Variants in LRRC7 observed in about 807,000 individuals in gnomAD.
LRRC7 encodes leucine-rich repeat-containing protein 7.
LRRC7 carries 23 observed loss-of-function variants against 175.7 expected under a neutral mutation model. That is an observed-to-expected ratio of 0.13 (90% CI 0.09 to 0.19). The LOEUF is 0.19. LRRC7 is among the 10% of genes least tolerant of loss of function. LRRC7 has a pLI of 1.00. For synonymous variants in LRRC7, 685 were observed against 680.9 expected, an observed-to-expected ratio of 1.01 and a Z score of -0.09; for missense variants, 1,354 against 1,904.7, an observed-to-expected ratio of 0.71 and a Z score of 5.38.
chr1:70,132,495 T>TC lies in LRRC7; in HGVS notation c.*10609dup, dbSNP rs1264574868. Among the ~76,000 whole-genome samples the TC allele has an allele frequency of 8.4e-6, 1 of 119,034 alleles. No homozygotes were observed. Among genetic ancestry groups the TC allele is most frequent in the Non-Finnish European group, 1.6e-5 (1 of 61,710 alleles). The allele number at this position is 119,034 out of a possible 152,430, so 78.1% of individuals were successfully genotyped here. The stretch of plus-strand genomic sequence containing the variant: ...TTTTTTTTTTTTTTGAGACGGAGTC[T>TC]CACTCTGTCATCAGGCTGGAGGCTG... On this transcript the variant is annotated 3_prime_UTR_variant, in exon 27 of 27. Coordinates refer to ENST00000651989, the MANE Select transcript of LRRC7 (RefSeq NM_001370785.2).
intron 26 of LRRC7, among the ~76,000 whole-genome samples, chr1:70,113,986 A>G (rs1665684442): frequency 6.6e-6 from 1 of 152,164 alleles, no homozygotes; most frequent in Non-Finnish European, 1.5e-5. Context: ...GTTGATGTTC[A>G]CAGTTATTAC....
At chr1:69,582,662 T>C (rs1263316480) in intron 1 of LRRC7, among the ~76,000 whole-genome samples, 1 of 152,216 alleles carries the variant, frequency 6.6e-6, no homozygotes, top group East Asian at 1.9e-4. Flanking sequence ...AATCTTTATC[T>C]ATTTCTTTGG....
At chr1:70,033,133 T>G (rs1658937170) in intron 18 of LRRC7, among the ~76,000 whole-genome samples, 1 of 152,214 alleles carries the variant, frequency 6.6e-6, no homozygotes, top group Non-Finnish European at 1.5e-5. Flanking sequence ...AATGAGCTGT[T>G]CTCAGGATAG....
rs1023057813 is a variant in LRRC7, at chr1:70,122,890, C to T, written c.*1003C>T. On this transcript the variant is annotated 3_prime_UTR_variant, in exon 27 of 27. Transcript: ENST00000651989. The stretch of plus-strand genomic sequence containing the variant: ...TGGAAATTGATAAAATTTATCATTA[C>T]GAAAGACTGCTGTTAGAAAGTTATG... 3 of 152,390 alleles carry T rather than the reference C, an allele frequency of 2.0e-5. No homozygotes were observed. Among genetic ancestry groups the T allele is most frequent in the Admixed American group, 6.6e-5 (1 of 15,248 alleles). The allele number at this position is 152,390 out of a possible 1,614,324, so 9.4% of individuals were successfully genotyped here.
intron 7 of LRRC7, among the ~76,000 whole-genome samples, chr1:69,905,623 T>TATATGTGCCAC (rs1281260404): frequency 6.6e-6 from 1 of 152,206 alleles, no homozygotes; most frequent in Non-Finnish European, 1.5e-5. Context: ...TTCCGTGGTG[T>TATATGTGCCAC]ATATGTGCCA....
rs929702754 is a variant in LRRC7 at position 70,088,014 on chromosome 1, G to A, written c.4453-1713G>A. Among the ~76,000 whole-genome samples the A allele has an allele frequency of 2.0e-5, 3 of 152,274 alleles. No homozygotes were observed. In the East Asian group the frequency reaches 5.8e-4, roughly 29 times the overall value. On this transcript the variant is annotated intron_variant, in intron 24 of 26. Coordinates refer to ENST00000651989, the MANE Select transcript of LRRC7 (RefSeq NM_001370785.2). ...ATAGCTCACAATAAAAATGTAAAGA[G>A]TGTTTTGGGCATTTACATTTGCCAT...
intron 4 of LRRC7, among the ~76,000 whole-genome samples, chr1:69,796,556 G>T (rs1283245698): frequency 1.3e-5 from 2 of 152,058 alleles, no homozygotes; most frequent in Non-Finnish European, 2.9e-5. Context: ...AGGCCGAGGT[G>T]GGCGGATCAC....
At chr1:69,669,314 A>G (rs1313864427) in intron 1 of LRRC7, among the ~76,000 whole-genome samples, 1 of 152,172 alleles carries the variant, frequency 6.6e-6, no homozygotes, top group African/African-American at 2.4e-5. Flanking sequence ...CTTTATCTGC[A>G]TGTTCAAAGG....
chr1:70,115,238 C>T (rs1339333395), intron 26 of LRRC7, among the ~76,000 whole-genome samples: 2 of 152,208 alleles, frequency 1.3e-5, no homozygotes. Flanking sequence ...AAGGATGATG[C>T]CAGTCCAAGA....
At chr1:69,783,994 G>T (rs533022862) in intron 3 of LRRC7, among the ~76,000 whole-genome samples, 16 of 152,006 alleles carry the variant, frequency 1.1e-4, no homozygotes, top group African/African-American at 3.9e-4. Context: ...ATGAGAAAGA[G>T]CCCAAAAGCC....
At chr1:69,865,019 G>A (rs1557827063) in intron 7 of LRRC7, among the ~76,000 whole-genome samples, 1 of 152,108 alleles carries the variant, frequency 6.6e-6, no homozygotes, top group Non-Finnish European at 1.5e-5. Context: ...GTTGTTTGTT[G>A]CCATTAGCCT....
chr1:70,087,393 A>G (rs1182967870), intron 24 of LRRC7, among the ~76,000 whole-genome samples: 2 of 152,156 alleles, frequency 1.3e-5, no homozygotes, highest in Non-Finnish European at 2.9e-5. Context: ...GAAAGATATA[A>G]CCCCAATTTT....
At position 70,125,849 on chromosome 1, in the gene LRRC7, A is replaced by C. The variant is rs1168538635; in HGVS notation, c.*3962A>C. On this transcript the variant is annotated 3_prime_UTR_variant, in exon 27 of 27. Transcript: ENST00000651989. ...GAGGGGAGAAAACATGGAAGAAATT[A>C]GATTTATATATTCAAATATTAAGTG... Among the ~76,000 whole-genome samples the C allele has an allele frequency of 6.6e-6, 1 of 151,386 alleles. No homozygotes were observed. Among genetic ancestry groups the C allele is most frequent in the Admixed American group, 6.6e-5 (1 of 15,224 alleles).
chr1:70,051,231 A>G (rs893549142), intron 22 of LRRC7, among the ~76,000 whole-genome samples: 5 of 152,048 alleles, frequency 3.3e-5, no homozygotes, highest in African/African-American at 1.2e-4. Flanking sequence ...GAAAAAGGAA[A>G]CCTATGTTAA....
chr1:69,576,721 T>G (rs574254429), intron 1 of LRRC7, among the ~76,000 whole-genome samples: 1 of 152,362 alleles, frequency 6.6e-6, no homozygotes, highest in South Asian at 2.1e-4. Flanking sequence ...GCTTTTCATT[T>G]GTAAAATGGT....
At chr1:69,628,957 C>CA (rs757263023) in intron 1 of LRRC7, among the ~76,000 whole-genome samples, 9 of 151,990 alleles carry the variant, frequency 5.9e-5, no homozygotes, top group East Asian at 1.9e-4. Flanking sequence ...ACACCCTTCA[C>CA]AAAAAATAGC....
At chr1:69,591,479 G>A (rs1478107769) in intron 1 of LRRC7, among the ~76,000 whole-genome samples, 1 of 151,966 alleles carries the variant, frequency 6.6e-6, no homozygotes, top group Admixed American at 6.6e-5. Flanking sequence ...ATACTTTGAA[G>A]GAAGGCCATA....
intron 7 of LRRC7, among the ~76,000 whole-genome samples, chr1:69,888,731 C>A (rs1374885048): frequency 2.0e-5 from 3 of 150,912 alleles, no homozygotes; most frequent in Admixed American, 1.3e-4. Flanking sequence ...AAAAAAAAAA[C>A]AGACAGAAGC....
chr1:69,783,346 C>T (rs1673993847), intron 3 of LRRC7, among the ~76,000 whole-genome samples: 1 of 152,264 alleles, frequency 6.6e-6, no homozygotes, highest in Non-Finnish European at 1.5e-5. Flanking sequence ...GAGGGATAGA[C>T]AAATAGACCA....
Sources: gnomAD v4.1 joint callset for allele counts (sites outside exome capture counted in the v4.1 genomes callset) on GRCh38, gnomAD v4.1.1 for gene constraint, MANE v1.5 for transcripts, NCBI Gene and HGNC (gene_info 2026-07-23, HGNC 2026-07-21) for gene names.